The following EPHX2 variants were observed in gnomAD, a reference collection of about 807,000 sequenced individuals.
EPHX2 encodes the protein epoxide hydrolase 2.
Under a neutral mutation model 78.7 loss-of-function variants are expected in EPHX2, and 74 were observed. That is an observed-to-expected ratio of 0.94 (90% CI 0.78 to 1.14). EPHX2 has a LOEUF of 1.14. Ranked by LOEUF, EPHX2 falls within the 50% of genes most tolerant of loss-of-function variation. EPHX2 has a pLI of 0.00. For missense variants in EPHX2, 715 were observed against 702.5 expected, an observed-to-expected ratio of 1.02 and a Z score of -0.20; for synonymous variants, 251 against 255.2, an observed-to-expected ratio of 0.98 and a Z score of 0.16.
intron 5 of EPHX2, among the ~76,000 whole-genome samples, chr8:27,509,876 AC>A (rs35954512): frequency 1.3e-5 from 2 of 151,942 alleles, no homozygotes; most frequent in African/African-American, 2.4e-5. Context: ...TAAAGTAGGA[AC>A]CCCCCACTTT....
At chr8:27,508,741 A>C (rs907857136) in intron 5 of EPHX2, among the ~76,000 whole-genome samples, 1 of 152,036 alleles carries the variant, frequency 6.6e-6, no homozygotes, top group Non-Finnish European at 1.5e-5. Flanking sequence ...GTAACGTAAA[A>C]TTTGCCATCT....
intron 6 of EPHX2, among the ~76,000 whole-genome samples, chr8:27,512,932 A>T (rs1002217698): frequency 6.6e-6 from 1 of 152,234 alleles, no homozygotes; most frequent in Admixed American, 6.5e-5. Context: ...CACGTACTCC[A>T]TAAACAGCAG....
intron 14 of EPHX2, among the ~76,000 whole-genome samples, chr8:27,539,772 C>T (rs548889215): frequency 4.6e-5 from 7 of 152,322 alleles, no homozygotes; most frequent in East Asian, 3.9e-4. Context: ...CTGGAGCACC[C>T]GCCTGGTGGG....
At chr8:27,491,518 C>T (rs1241762550) in intron 1 of EPHX2, among the ~76,000 whole-genome samples, 1 of 152,250 alleles carries the variant, frequency 6.6e-6, no homozygotes, top group African/African-American at 2.4e-5. Flanking sequence ...TTGCCAAGGT[C>T]TCCAAAATTG....
intron 11 of EPHX2, among the ~76,000 whole-genome samples, chr8:27,522,727 A>G (rs892003438): frequency 4.0e-5 from 6 of 151,816 alleles, no homozygotes; most frequent in Non-Finnish European, 8.8e-5. Context: ...TGGGAGGCCA[A>G]GGTGGGTGGA....
At chr8:27,532,586 A>G (rs565153435) in intron 12 of EPHX2, among the ~76,000 whole-genome samples, 17 of 152,148 alleles carry the variant, frequency 1.1e-4, no homozygotes, top group Admixed American at 2.6e-4. Context: ...GAGAGAGTCC[A>G]TTTCATGCCT....
At chr8:27,540,734 G>A in intron 15 of EPHX2, 78 bp downstream of exon 15, 2 of 1,390,182 alleles carry the variant, frequency 1.4e-6, no homozygotes, top group East Asian at 2.3e-5. Context: ...GGTGGAGGGT[G>A]AGGCCCAGTT....
intron 1 of EPHX2, among the ~76,000 whole-genome samples, chr8:27,494,993 C>T (rs1385587885): frequency 1.3e-5 from 2 of 152,220 alleles, no homozygotes; most frequent in Non-Finnish European, 1.5e-5. Context: ...TGGGAGGTTC[C>T]ACCTGGCAGC....
rs575998647 is a variant in EPHX2 at position 27,535,121 on chromosome 8, C to A, written c.1171-1663C>A. On this transcript the variant is annotated intron_variant, in intron 12 of 18. Transcript: ENST00000521400. The stretch of plus-strand genomic sequence containing the variant: ...GCATTGCCACACTTAACTCAATTCC[C>A]TCTGGTAGCACTAGTCCCTCAGCAG... Among the ~76,000 whole-genome samples, 21 of 152,288 alleles carry A rather than the reference C, an allele frequency of 1.4e-4. No individual in the cohort carries two copies. The South Asian group carries it at 4.1e-3, about 30-fold the overall frequency.
chr8:27,520,910 G>A lies in EPHX2; in HGVS notation c.972+1G>A. 1 of 1,614,148 alleles carries A rather than the reference G, an allele frequency of 6.2e-7. No individual in the cohort carries two copies. Among genetic ancestry groups the A allele is most frequent in the African/African-American group, 1.3e-5 (1 of 75,044 alleles). On this transcript the variant is annotated splice_donor_variant, in intron 10 of 18. Transcript: ENST00000521400. LOFTEE classifies it high-confidence loss of function. Reference sequence around the variant, plus strand: ...GATGGTAACCTTCCTGGATAAACTGGTAAGTCATTATTTTGAACTGATATC... The same window carrying A: ...GATGGTAACCTTCCTGGATAAACTGATAAGTCATTATTTTGAACTGATATC...
At chr8:27,532,361 G>C (rs989568766) in intron 12 of EPHX2, among the ~76,000 whole-genome samples, 1 of 152,188 alleles carries the variant, frequency 6.6e-6, no homozygotes, top group Admixed American at 6.5e-5. Context: ...TCTACAAAAG[G>C]TAAGACCGTA....
intron 12 of EPHX2, among the ~76,000 whole-genome samples, chr8:27,536,081 C>T (rs925607286): frequency 4.6e-5 from 7 of 152,136 alleles, no homozygotes; most frequent in African/African-American, 1.7e-4. Flanking sequence ...AATTAAATGC[C>T]ATACTGCTCC....
At chr8:27,540,686 T>A (rs1422458997) in intron 15 of EPHX2, 30 bp downstream of exon 15, 20 of 1,598,784 alleles carry the variant, frequency 1.3e-5, no homozygotes, top group Non-Finnish European at 1.7e-5. Flanking sequence ...CAGACACAGA[T>A]GAGAGATGAT....
At chr8:27,526,054 C>T (rs1814835921) in intron 12 of EPHX2, among the ~76,000 whole-genome samples, 1 of 152,194 alleles carries the variant, frequency 6.6e-6, no homozygotes, top group African/African-American at 2.4e-5. Context: ...GAGACATCTG[C>T]TATGCATCCA....
intron 16 of EPHX2, among the ~76,000 whole-genome samples, chr8:27,542,704 C>T (rs1048438493): frequency 5.3e-5 from 8 of 152,222 alleles, no homozygotes; most frequent in South Asian, 2.1e-4. Context: ...TGCAATGGCA[C>T]GATCTCGGTT....
At chr8:27,538,435 G>A (rs768187737) in intron 13 of EPHX2, among the ~76,000 whole-genome samples, 8 of 152,160 alleles carry the variant, frequency 5.3e-5, no homozygotes, top group Non-Finnish European at 8.8e-5. Context: ...AGCTTTGGTC[G>A]TGAGCCCGCT....
At chr8:27,504,779 A>G (rs186661872) in intron 3 of EPHX2, among the ~76,000 whole-genome samples, 177 bp from the exon 4 acceptor site, 1 of 152,242 alleles carries the variant, frequency 6.6e-6, no homozygotes, top group East Asian at 1.9e-4. Flanking sequence ...TCTGTGTCAG[A>G]GGTGTTCATG....
intron 1 of EPHX2, 54 bp downstream of exon 1, chr8:27,491,363 C>A: frequency 1.5e-6 from 2 of 1,303,044 alleles, no homozygotes; most frequent in Non-Finnish European, 2.0e-6. Context: ...GGAGGCAGAC[C>A]GCGCTGGGCT....
chr8:27,542,330 C>T (rs1365936339), intron 16 of EPHX2, among the ~76,000 whole-genome samples: 1 of 152,146 alleles, frequency 6.6e-6, no homozygotes, highest in Admixed American at 6.5e-5. Context: ...TGAGTCTAAT[C>T]CCTGTGTGAC....
Sources: gnomAD v4.1 joint callset for allele counts (sites outside exome capture counted in the v4.1 genomes callset) on GRCh38, gnomAD v4.1.1 for gene constraint, MANE v1.5 for transcripts, NCBI Gene and HGNC (gene_info 2026-07-23, HGNC 2026-07-21) for gene names.